IGFL2: variants seen among roughly 807,000 people sequenced by gnomAD.
The protein encoded by IGFL2 is insulin growth factor-like family member 2.
IGFL2 carries 7 observed loss-of-function variants against 13.9 expected under a neutral mutation model. The ratio of observed to expected loss-of-function variants is 0.51; its 90% CI spans 0.29 to 0.95. The LOEUF (loss-of-function observed/expected upper bound fraction) is 0.95, where lower values mean the gene tolerates loss of function less well. Among genes scored for constraint, IGFL2 ranks in the 40% least tolerant of loss-of-function variants. The pLI is 0.08. For missense variants in IGFL2, 138 were observed against 147.8 expected (o/e 0.93, Z 0.34); for synonymous variants, 55 against 55.8 (o/e 0.99, Z 0.07).
chr19:46,164,314 A>C (rs1283791306), downstream of IGFL2: 2 of 140,012 alleles, frequency 1.4e-5, no homozygotes, highest in East Asian at 2.1e-4. Flanking sequence ...TTTAAAGAAG[A>C]AGTCTGACCA....
chr19:46,126,191 A>T, the IGFL2 span, among the ~76,000 whole-genome samples: 65 of 152,322 alleles, frequency 4.3e-4, no homozygotes, highest in Non-Finnish European at 1.5e-5. Context: ...GCGAATAGAA[A>T]AATAAAAATA....
chr19:46,191,422 A>G, the IGFL2 span, among the ~76,000 whole-genome samples: 1 of 152,128 alleles, frequency 6.6e-6, no homozygotes, highest in Non-Finnish European at 1.5e-5. Context: ...TGGGCTAAAG[A>G]GAAGATCAGG....
chr19:46,079,998 T>C, the IGFL2 span, among the ~76,000 whole-genome samples: 2 of 151,892 alleles, frequency 1.3e-5, no homozygotes, highest in African/African-American at 2.4e-5. Context: ...CCGTGATAAG[T>C]TGGAAAACGT....
the IGFL2 span, among the ~76,000 whole-genome samples, chr19:46,081,649 G>A: frequency 1.6e-4 from 24 of 152,208 alleles, no homozygotes; most frequent in Middle Eastern, 0.01. Context: ...AGGAATTTGG[G>A]GAAGACTCCA....
chr19:46,139,905 A>G (rs1972781666), upstream of IGFL2, among the ~76,000 whole-genome samples: 1 of 151,920 alleles, frequency 6.6e-6, no homozygotes, highest in Non-Finnish European at 1.5e-5. Context: ...ATATATGTAT[A>G]TATAGTATGA....
At chr19:46,165,946 A>C (rs563403744), downstream of IGFL2, among the ~76,000 whole-genome samples, 1 of 152,362 alleles carries the variant, frequency 6.6e-6, no homozygotes, top group South Asian at 2.1e-4. Flanking sequence ...GGGGAGGCTG[A>C]CATGTGGAAG....
the IGFL2 span, among the ~76,000 whole-genome samples, chr19:46,085,010 G>A: frequency 3.9e-5 from 6 of 152,084 alleles, no homozygotes; most frequent in Non-Finnish European, 5.9e-5. Flanking sequence ...CTATGAGCCC[G>A]TAAAATCAAA....
upstream of IGFL2, among the ~76,000 whole-genome samples, chr19:46,143,566 A>G (rs1972960199): frequency 6.6e-6 from 1 of 152,100 alleles, no homozygotes. Context: ...AGGCCCAGCC[A>G]GTAGTTACAT....
chr19:46,187,402 G>A, the IGFL2 span, among the ~76,000 whole-genome samples: 3 of 146,984 alleles, frequency 2.0e-5, no homozygotes, highest in Non-Finnish European at 4.5e-5. Flanking sequence ...GATCAGAGAC[G>A]GTGAGCATTA....
the IGFL2 span, among the ~76,000 whole-genome samples, chr19:46,128,326 G>T: frequency 1.3e-5 from 2 of 152,008 alleles, no homozygotes; most frequent in Non-Finnish European, 2.9e-5. Flanking sequence ...TTATTTAGAT[G>T]CCCTTTATTT....
downstream of IGFL2, among the ~76,000 whole-genome samples, chr19:46,162,551 A>C (rs575162535): frequency 6.6e-6 from 1 of 152,160 alleles, no homozygotes; most frequent in Non-Finnish European, 1.5e-5. Context: ...CCAGTCTTCA[A>C]GTTCTGAGAT....
chr19:46,156,952 A>G (rs1325571680), intron 1 of IGFL2, among the ~76,000 whole-genome samples: 2 of 152,172 alleles, frequency 1.3e-5, no homozygotes, highest in African/African-American at 4.8e-5. Flanking sequence ...GAGACAGGAG[A>G]TATAGGTTTT....
chr19:46,124,540 G>T, the IGFL2 span: 2 of 1,327,786 alleles, frequency 1.5e-6, no homozygotes, highest in South Asian at 1.2e-5. Flanking sequence ...TAATGTTAGA[G>T]ATAAAGAGGA....
At chr19:46,094,065 AG>A in the IGFL2 span, among the ~76,000 whole-genome samples, 2 of 111,512 alleles carry the variant, frequency 1.8e-5, no homozygotes, top group South Asian at 2.9e-4. Context: ...TGCCAGGGGT[AG>A]GGGGTCAGTA....
the IGFL2 span, among the ~76,000 whole-genome samples, chr19:46,117,376 C>T: frequency 5.3e-5 from 8 of 152,120 alleles, no homozygotes; most frequent in African/African-American, 1.7e-4. Flanking sequence ...TGAGTCATTG[C>T]ACCAGGCCAA....
At chr19:46,120,325 G>C in the IGFL2 span, 11 of 1,610,828 alleles carry the variant, frequency 6.8e-6, 1 homozygote, top group Middle Eastern at 1.7e-4. Flanking sequence ...TGGAGCCTGG[G>C]GTTTTTATGG....
chr19:46,109,738 G>C, the IGFL2 span, among the ~76,000 whole-genome samples: 1 of 152,198 alleles, frequency 6.6e-6, no homozygotes, highest in East Asian at 1.9e-4. Context: ...CATTCACAAG[G>C]GTGGGGGAAT....
chr19:46,168,932 G>GTGTGTGTA, the IGFL2 span, among the ~76,000 whole-genome samples: 1 of 151,684 alleles, frequency 6.6e-6, no homozygotes, highest in Non-Finnish European at 1.5e-5. Context: ...GTGTGTGTGT[G>GTGTGTGTA]TGTGTGTATG....
At chr19:46,125,468 A>G in the IGFL2 span, among the ~76,000 whole-genome samples, 3 of 152,220 alleles carry the variant, frequency 2.0e-5, no homozygotes, top group African/African-American at 7.2e-5. Context: ...AGTGCCAGCT[A>G]GGGAAGGGCT....
Sources: allele counts gnomAD v4.1 joint callset (sites outside exome capture counted in the v4.1 genomes callset), GRCh38; gene constraint gnomAD v4.1.1; transcripts MANE v1.5; gene names NCBI Gene and HGNC (gene_info 2026-07-23, HGNC 2026-07-21).